The following FGF13 variants were observed in gnomAD, a reference collection of about 807,000 sequenced individuals.
FGF13 encodes the protein fibroblast growth factor homologous factor 2.
A neutral mutation model predicts 19.5 loss-of-function variants in FGF13; 2 were observed. The observed-to-expected ratio is 0.10, with a 90% CI of 0.04 to 0.32. The LOEUF is 0.32. FGF13 is among the 10% of genes least tolerant of loss of function. The pLI is 1.00. For synonymous variants in FGF13, 72 were observed against 76.9 expected (o/e 0.94, Z 0.33); for missense variants, 113 against 192.7 (o/e 0.59, Z 2.45).
At chrX:138,762,003 C>T (rs1001337029) in intron 3 of FGF13, among the ~76,000 whole-genome samples, 13 of 108,436 alleles carry the variant, frequency 1.2e-4, no homozygotes, top group Non-Finnish European at 1.9e-4. Context: ...GGTTCTATAC[C>T]TCTGCAGTCC....
At chrX:139,099,385 A>AAAAAAAAAG (rs2124455858) in intron 1 of FGF13, among the ~76,000 whole-genome samples, 1 of 108,127 alleles carries the variant, frequency 9.2e-6, no homozygotes, top group South Asian at 4.1e-4. Context: ...CTCAAAAAAA[A>AAAAAAAAAG]AAAAAAAAAA....
chrX:138,662,239 T>C (rs1296018549), intron 3 of FGF13, among the ~76,000 whole-genome samples: 1 of 111,717 alleles, frequency 9.0e-6, no homozygotes, highest in African/African-American at 3.3e-5. Flanking sequence ...GATCCATTGT[T>C]CGTTTAATTT....
At chrX:139,115,383 G>A (rs2083632602) in intron 1 of FGF13, among the ~76,000 whole-genome samples, 1 of 112,078 alleles carries the variant, frequency 8.9e-6, no homozygotes, top group Non-Finnish European at 1.9e-5. Flanking sequence ...ACAATCACTA[G>A]GTGAGGCTTC....
intron 3 of FGF13, among the ~76,000 whole-genome samples, chrX:138,680,854 A>G (rs984373910): frequency 9.0e-6 from 1 of 110,994 alleles, no homozygotes; most frequent in African/African-American, 3.3e-5. Flanking sequence ...TCTCCTTCCA[A>G]TAGAAGGCTA....
intron 2 of FGF13, among the ~76,000 whole-genome samples, chrX:138,861,354 A>T (rs1364623579): frequency 8.9e-6 from 1 of 112,709 alleles, no homozygotes; most frequent in Non-Finnish European, 1.9e-5. Context: ...AGAATAAAAA[A>T]ATTCCAATGC....
At chrX:138,900,638 T>A (rs183514167) in intron 1 of FGF13, among the ~76,000 whole-genome samples, 89 of 111,952 alleles carry the variant, frequency 7.9e-4, no homozygotes, top group African/African-American at 2.6e-3. Flanking sequence ...ATTATTCATA[T>A]AATCATCAGA....
chrX:138,830,494 T>C (rs2091063569), intron 3 of FGF13, among the ~76,000 whole-genome samples: 1 of 111,157 alleles, frequency 9.0e-6, no homozygotes, highest in African/African-American at 3.3e-5. Flanking sequence ...AATTTAAGAG[T>C]GGTGAATCTG....
At chrX:138,869,595 A>G (rs1053654199) in intron 1 of FGF13, among the ~76,000 whole-genome samples, 1 of 112,033 alleles carries the variant, frequency 8.9e-6, no homozygotes, top group Admixed American at 9.5e-5. Flanking sequence ...GTATTCATCA[A>G]TTTGCAAGCT....
downstream of FGF13, chrX:138,857,386 GC>G: frequency 1.6e-6 from 1 of 607,854 alleles, no homozygotes; most frequent in Non-Finnish European, 2.5e-6. Flanking sequence ...CAGCCAGGGG[GC>G]CTCCTAGCTA....
intron 3 of FGF13, among the ~76,000 whole-genome samples, chrX:138,652,153 G>A (rs1213587602): frequency 9.0e-6 from 1 of 110,767 alleles, no homozygotes; most frequent in Non-Finnish European, 1.9e-5. Flanking sequence ...AATATGCTAA[G>A]CATATCCCCA....
intron 1 of FGF13, among the ~76,000 whole-genome samples, chrX:138,875,524 T>C (rs1284101360): frequency 8.9e-6 from 1 of 112,151 alleles, no homozygotes; most frequent in African/African-American, 3.2e-5. Context: ...TAATTTTATG[T>C]GTTAACTTGA....
intron 1 of FGF13, among the ~76,000 whole-genome samples, chrX:139,082,303 C>CA (rs1413277835): frequency 9.0e-6 from 1 of 111,586 alleles, no homozygotes; most frequent in Non-Finnish European, 1.9e-5. Context: ...CTTTCCTAAC[C>CA]ATTCTATCTA....
At chrX:138,961,464 G>T (rs1603073459) in intron 1 of FGF13, among the ~76,000 whole-genome samples, 1 of 111,562 alleles carries the variant, frequency 9.0e-6, no homozygotes, top group Non-Finnish European at 1.9e-5. Context: ...ACTTGAGGAG[G>T]CAGTCTGTCT....
At chrX:138,890,504 T>C (rs1479679383) in intron 1 of FGF13, among the ~76,000 whole-genome samples, 2 of 111,830 alleles carry the variant, frequency 1.8e-5, no homozygotes, top group African/African-American at 6.5e-5. Context: ...TCTTTCTCTT[T>C]GCCAGGTATT....
chrX:139,098,018 T>C (rs4829643), intron 1 of FGF13, among the ~76,000 whole-genome samples: 23,970 of 111,260 alleles, frequency 0.22, 2,310 homozygotes, highest in African/African-American at 0.37. Context: ...ATGTGTCATA[T>C]GCACTTTTTG....
intron 1 of FGF13, among the ~76,000 whole-genome samples, chrX:139,171,274 T>A (rs978589525): frequency 8.9e-6 from 1 of 112,257 alleles, no homozygotes; most frequent in African/African-American, 3.2e-5. Flanking sequence ...GAAGAATCCG[T>A]ATTAGAAACA....
intron 1 of FGF13, among the ~76,000 whole-genome samples, chrX:138,924,962 AATG>A (rs746353631): frequency 1.4e-4 from 16 of 111,479 alleles, no homozygotes; most frequent in Non-Finnish European, 2.4e-4. Flanking sequence ...TGCCTGGGTG[AATG>A]ATGGTTTCCT....
chrX:139,175,804 G>T (rs1046541225), intron 1 of FGF13, among the ~76,000 whole-genome samples: 1 of 112,146 alleles, frequency 8.9e-6, no homozygotes, highest in African/African-American at 3.2e-5. Flanking sequence ...CAGTTTACTA[G>T]TATTTTATTG....
At chrX:139,027,138 T>C (rs762754564) in intron 1 of FGF13, among the ~76,000 whole-genome samples, 1 of 112,310 alleles carries the variant, frequency 8.9e-6, no homozygotes, top group South Asian at 3.7e-4. Flanking sequence ...GCATCTCCTC[T>C]ACTGTGCCCC....
Sources: gnomAD v4.1 joint callset for allele counts (sites outside exome capture counted in the v4.1 genomes callset) on GRCh38, gnomAD v4.1.1 for gene constraint, MANE v1.5 for transcripts, NCBI Gene and HGNC (gene_info 2026-07-23, HGNC 2026-07-21) for gene names.